The following CADPS2 variants were observed in gnomAD, a reference collection of about 807,000 sequenced individuals.
CADPS2 encodes calcium dependent secretion activator 2.
CADPS2 carries 93 observed loss-of-function variants against 172.5 expected under a neutral mutation model. The observed-to-expected ratio is 0.54, with a 90% CI of 0.46 to 0.64. CADPS2 has a LOEUF of 0.64. Among genes scored for constraint, CADPS2 ranks in the 30% least tolerant of loss-of-function variants. CADPS2 has a pLI of 0.00. For synonymous variants in CADPS2, 546 were observed against 555.2 expected (o/e 0.98, Z 0.23); for missense variants, 1,420 against 1,565.9 (o/e 0.91, Z 1.57).
intron 20 of CADPS2, among the ~76,000 whole-genome samples, chr7:122,404,639 T>C (rs986895333): frequency 6.6e-6 from 1 of 152,174 alleles, no homozygotes; most frequent in African/African-American, 2.4e-5. Flanking sequence ...TTTCTCCACA[T>C]CCTCTCCAGC....
intron 6 of CADPS2, among the ~76,000 whole-genome samples, chr7:122,586,673 G>A (rs954925654): frequency 4.0e-5 from 6 of 151,830 alleles, no homozygotes; most frequent in Admixed American, 1.3e-4. Flanking sequence ...GAAGGGAGGT[G>A]GTGTCTCTGT....
chr7:122,483,456 T>C (rs1379073967), intron 11 of CADPS2, among the ~76,000 whole-genome samples: 1 of 152,028 alleles, frequency 6.6e-6, no homozygotes, highest in Non-Finnish European at 1.5e-5. Context: ...AGATCTGCAC[T>C]ACAAGAAAAG....
intron 2 of CADPS2, among the ~76,000 whole-genome samples, chr7:122,727,165 G>A (rs1267393357): frequency 6.6e-6 from 1 of 151,914 alleles, no homozygotes; most frequent in Non-Finnish European, 1.5e-5. Flanking sequence ...TTATAAATAG[G>A]TATGAGCGTA....
chr7:122,683,732 T>A (rs900374454), intron 2 of CADPS2, among the ~76,000 whole-genome samples: 1 of 126,196 alleles, frequency 7.9e-6, no homozygotes, highest in Non-Finnish European at 1.7e-5. Context: ...TGCTTTGATA[T>A]AATGTTAATG....
intron 15 of CADPS2, among the ~76,000 whole-genome samples, chr7:122,446,432 AGTTGT>A (rs778837070): frequency 6.6e-6 from 1 of 152,004 alleles, no homozygotes; most frequent in African/African-American, 2.4e-5. Flanking sequence ...GGTGAATCAG[AGTTGT>A]GTTAATTTTT....
At chr7:122,578,516 T>C (rs1370444269) in intron 7 of CADPS2, among the ~76,000 whole-genome samples, 1 of 152,106 alleles carries the variant, frequency 6.6e-6, no homozygotes. Flanking sequence ...GGAGGGCTTA[T>C]TAAAACAGAA....
chr7:122,429,238 A>G (rs563925591), intron 17 of CADPS2, among the ~76,000 whole-genome samples: 1 of 151,428 alleles, frequency 6.6e-6, no homozygotes, highest in East Asian at 1.9e-4. Context: ...TTTCCAAATA[A>G]TACGTGAAGT....
intron 9 of CADPS2, among the ~76,000 whole-genome samples, chr7:122,503,134 C>T (rs913760013): frequency 6.5e-5 from 9 of 137,776 alleles, no homozygotes; most frequent in Non-Finnish European, 4.9e-5. Context: ...TGGGTTCAAG[C>T]GATTCTCCTG....
intron 1 of CADPS2, among the ~76,000 whole-genome samples, chr7:122,762,834 A>G (rs1266762141): frequency 6.6e-6 from 1 of 152,144 alleles, no homozygotes; most frequent in African/African-American, 2.4e-5. Context: ...GATACACTTC[A>G]TCACCCTACC....
At chr7:122,747,709 T>C (rs1020377185) in intron 1 of CADPS2, among the ~76,000 whole-genome samples, 3 of 152,126 alleles carry the variant, frequency 2.0e-5, no homozygotes, top group African/African-American at 7.2e-5. Context: ...CTGACTGATA[T>C]GCTCTTAGCC....
At chr7:122,380,329 A>C (rs7801807) in intron 24 of CADPS2, among the ~76,000 whole-genome samples, 17,926 of 152,152 alleles carry the variant, frequency 0.12, 1,442 homozygotes, top group Non-Finnish European at 0.18. Flanking sequence ...TGTAAAGACT[A>C]ACCCTATCTT....
intron 1 of CADPS2, among the ~76,000 whole-genome samples, chr7:122,788,843 A>AGGC (rs1794648606): frequency 6.6e-6 from 1 of 152,124 alleles, no homozygotes; most frequent in South Asian, 2.1e-4. Context: ...GCCTAAGTGA[A>AGGC]CTTGTCCTCC....
chr7:122,665,669 C>T (rs755430925), intron 2 of CADPS2, among the ~76,000 whole-genome samples: 5 of 152,130 alleles, frequency 3.3e-5, no homozygotes, highest in African/African-American at 7.2e-5. Context: ...AAAAGCAGGA[C>T]GGCTGTATAG....
chr7:122,811,674 C>A (rs1800052304), intron 1 of CADPS2, among the ~76,000 whole-genome samples: 1 of 152,022 alleles, frequency 6.6e-6, no homozygotes, highest in Non-Finnish European at 1.5e-5. Context: ...AAAGGGACGA[C>A]AGACATGTAT....
At position 122,405,138 on chromosome 7, in the gene CADPS2, AC is replaced by A. The variant is rs201165990; in HGVS notation, c.2746+2401del. Among the ~76,000 whole-genome samples the A allele has an allele frequency of 6.6e-3, 970 of 147,542 alleles. 15 individuals are homozygous for A. The highest frequency in any genetic ancestry group is 0.025 in the African/African-American group (922 of 37,066). ...AGTCTCAAAAACAAAAAACAAAAAA[AC>A]AAAACAAAACAAAAATACCTTACTT... is the stretch of plus-strand genomic sequence containing the variant. On this transcript the variant is annotated intron_variant, in intron 20 of 29. Coordinates refer to ENST00000449022, the MANE Select transcript of CADPS2 (RefSeq NM_017954.11).
At chr7:122,509,914 A>G (rs931486212) in intron 9 of CADPS2, among the ~76,000 whole-genome samples, 6 of 152,288 alleles carry the variant, frequency 3.9e-5, no homozygotes, top group South Asian at 4.1e-4. Context: ...AACAATAATT[A>G]TGTTAATTGG....
At chr7:122,749,496 C>G (rs1475812555) in intron 1 of CADPS2, among the ~76,000 whole-genome samples, 2 of 152,022 alleles carry the variant, frequency 1.3e-5, no homozygotes, top group Non-Finnish European at 2.9e-5. Flanking sequence ...TGACATTTCC[C>G]TAACAAATAA....
At chr7:122,854,379 A>G (rs976175311) in intron 1 of CADPS2, among the ~76,000 whole-genome samples, 3 of 152,158 alleles carry the variant, frequency 2.0e-5, no homozygotes, top group Non-Finnish European at 2.9e-5. Context: ...TCAGAAAAAA[A>G]AGAAATGAAG....
intron 9 of CADPS2, among the ~76,000 whole-genome samples, chr7:122,498,806 A>G (rs1563516642): frequency 2.0e-5 from 3 of 152,260 alleles, no homozygotes; most frequent in Non-Finnish European, 2.9e-5. Flanking sequence ...ATCACCTTAA[A>G]TAAAATTATT....
Sources: allele counts gnomAD v4.1 joint callset (sites outside exome capture counted in the v4.1 genomes callset), GRCh38; gene constraint gnomAD v4.1.1; transcripts MANE v1.5; gene names NCBI Gene and HGNC (gene_info 2026-07-23, HGNC 2026-07-21).